ANO5: variants seen among roughly 807,000 people sequenced by gnomAD.
ANO5 encodes the protein anoctamin-5.
In ANO5, 109 loss-of-function variants were observed where a neutral mutation model predicts 121.0. The ratio of observed to expected loss-of-function variants is 0.90; its 90% CI spans 0.77 to 1.06. The LOEUF (loss-of-function observed/expected upper bound fraction) is 1.06, where lower values mean the gene tolerates loss of function less well. Among genes scored for constraint, ANO5 ranks in the 50% least tolerant of loss-of-function variants. The pLI, the probability that ANO5 is intolerant of heterozygous loss-of-function variation, is 0.00. For synonymous variants in ANO5, 406 were observed against 359.9 expected (o/e 1.13, Z -1.45); for missense variants, 1,064 against 1,078.5 (o/e 0.99, Z 0.19).
chr11:22,238,850 T>C (rs2133660232), intron 8 of ANO5, among the ~76,000 whole-genome samples: 2 of 152,290 alleles, frequency 1.3e-5, no homozygotes, highest in Admixed American at 1.3e-4. Context: ...TAGTAACTCA[T>C]CATTTAACGT....
chr11:22,254,261 T>C (rs1853919497), intron 12 of ANO5, among the ~76,000 whole-genome samples: 1 of 152,162 alleles, frequency 6.6e-6, no homozygotes, highest in Non-Finnish European at 1.5e-5. Flanking sequence ...TGTATGGATA[T>C]CATCCATAGT....
intron 7 of ANO5, among the ~76,000 whole-genome samples, 192 bp downstream of exon 7, chr11:22,227,778 CTG>C (rs1313229703): frequency 6.6e-6 from 1 of 151,998 alleles, no homozygotes; most frequent in African/African-American, 2.4e-5. Flanking sequence ...AACTCTCAAA[CTG>C]TTGTTTAAAA....
intron 4 of ANO5, among the ~76,000 whole-genome samples, chr11:22,220,361 T>G (rs937417623): frequency 6.6e-6 from 1 of 152,052 alleles, no homozygotes; most frequent in African/African-American, 2.4e-5. Context: ...TGAAATCTCT[T>G]TCTTCTGAAG....
rs1464222256 is a variant in ANO5, at chr11:22,282,590, AGCTGTTCCGAGG to A, written c.*2826_*2837del. The stretch of plus-strand genomic sequence containing the variant: ...TCCTGTGTGTTTCTTTGGAAGAAAG[AGCTGTTCCGAGG>A]AAGTTTGGTCCAGCTGTGGTTGATA... On this transcript the variant is annotated 3_prime_UTR_variant, in exon 22 of 22. Transcript: ENST00000324559. 2 of 152,158 alleles carry A rather than the reference AGCTGTTCCGAGG, an allele frequency of 1.3e-5. No individual in the cohort carries two copies. Among genetic ancestry groups the A allele is most frequent in the Non-Finnish European group, 2.9e-5 (2 of 67,996 alleles). The allele number at this position is 152,158 out of a possible 1,614,324, so 9.4% of individuals were successfully genotyped here.
At chr11:22,275,224 G>T (rs1854794710) in intron 20 of ANO5, among the ~76,000 whole-genome samples, 1 of 151,188 alleles carries the variant, frequency 6.6e-6, no homozygotes, top group Admixed American at 6.6e-5. Context: ...TACTGTATAG[G>T]GAATATAAAA....
chr11:22,193,680 G>A, intron 1 of ANO5, 148 bp downstream of exon 1: 1 of 1,067,186 alleles, frequency 9.4e-7, no homozygotes. Context: ...GCGCGAAACC[G>A]GGACTGCGGG....
In ANO5 at chr11:22,279,677, A is replaced by AAGAG. The variant is rs1855003544; in HGVS notation, c.2656_2659dup (p.Asn887ArgfsTer6). The AAGAG allele has an allele frequency of 1.2e-6, 2 of 1,612,810 alleles. No individual in the cohort carries two copies. The highest frequency in any genetic ancestry group is 2.2e-5 in the South Asian group (2 of 91,056). ...CATGATTTTGAGCTCAACAAATTAA[A>AAGAG]AGAGAACTTGGGAATTAATTCTAAT... On this transcript the variant is annotated frameshift_variant, in exon 22 of 22. Transcript: ENST00000324559. LOFTEE classifies it low-confidence loss of function (END_TRUNC).
chr11:22,193,475 A>G lies in ANO5; in HGVS notation c.-18A>G, dbSNP rs1851713363. 2 of 1,610,682 alleles carry G rather than the reference A, an allele frequency of 1.2e-6. No homozygotes were observed. Among genetic ancestry groups the G allele is most frequent in the Non-Finnish European group, 1.7e-6 (2 of 1,179,000 alleles). Reference sequence around the variant, plus strand: ...CTGCTGCCTCTCAGGCACCAGTGCCATTAACGAGCTGGCGAAGATGGGCGA... The same window carrying G: ...CTGCTGCCTCTCAGGCACCAGTGCCGTTAACGAGCTGGCGAAGATGGGCGA... On this transcript the variant is annotated 5_prime_UTR_variant, in exon 1 of 22. Coordinates refer to ENST00000324559, the MANE Select transcript of ANO5 (RefSeq NM_213599.3).
intron 7 of ANO5, among the ~76,000 whole-genome samples, chr11:22,228,359 A>G (rs1852917070): frequency 6.6e-6 from 1 of 152,106 alleles, no homozygotes; most frequent in Admixed American, 6.6e-5. Flanking sequence ...CTTATTTTAA[A>G]AAATTTATGA....
Position 22,193,453 on chromosome 11 carries a change from C to T in ANO5, c.-40C>T. ...GTCTGTCTCAGCTGCCCCTCTCCTG[C>T]TGCCTCTCAGGCACCAGTGCCATTA... is the stretch of plus-strand genomic sequence containing the variant. On this transcript the variant is annotated 5_prime_UTR_variant, in exon 1 of 22. Coordinates refer to ENST00000324559, the MANE Select transcript of ANO5 (RefSeq NM_213599.3). 6.2e-7 allele frequency: 1 copy of T among 1,600,854 alleles called. No individual in the cohort carries two copies. Among genetic ancestry groups the T allele is most frequent in the Non-Finnish European group, 8.5e-7 (1 of 1,174,382 alleles).
intron 7 of ANO5, among the ~76,000 whole-genome samples, chr11:22,234,224 C>T (rs996857371): frequency 2.0e-5 from 3 of 152,208 alleles, no homozygotes; most frequent in Admixed American, 1.3e-4. Flanking sequence ...ATCATTGGTC[C>T]TCTTCAATTA....
chr11:22,276,316 T>A, intron 21 of ANO5, 117 bp downstream of exon 21: 1 of 854,322 alleles, frequency 1.2e-6, no homozygotes, highest in Non-Finnish European at 1.9e-6. Flanking sequence ...TTGAAGGAAG[T>A]ATTGTATTTG....
In ANO5 at chr11:22,255,379, T is replaced by C; in HGVS notation, c.1189T>C (p.Phe397Leu). The change falls in exon 13 of 22, where the codon TTT becomes CTT. Residue 397 changes from phenylalanine (F) to leucine (L), a missense_variant. Physicochemically the swap from Phe to Leu is conservative, Grantham distance 22. Transcript: ENST00000324559. ...TATTTATTTACCTATAGTCACCTTATTTTTGGAGTTTTGGAAACAACGACA... is the reference window on the plus strand; with the variant it reads ...TATTTATTTACCTATAGTCACCTTACTTTTGGAGTTTTGGAAACAACGACA... The part of the protein sequence containing the change: ...AIFMGIWVTL[F>L]LEFWKQRQAR... The C allele has an allele frequency of 6.2e-7, 1 of 1,609,194 alleles. No homozygotes were observed.
At chr11:22,258,070 T>C (rs1378302457) in intron 14 of ANO5, among the ~76,000 whole-genome samples, 1 of 152,162 alleles carries the variant, frequency 6.6e-6, no homozygotes, top group African/African-American at 2.4e-5. Context: ...CCAGGCTCTT[T>C]GGTTAGTTTT....
chr11:22,235,517 A>G (rs1352141743), intron 7 of ANO5, among the ~76,000 whole-genome samples: 1 of 152,094 alleles, frequency 6.6e-6, no homozygotes, highest in Non-Finnish European at 1.5e-5. Context: ...TATGTATAAA[A>G]CAGTGCTGAA....
Position 22,255,355 on chromosome 11 carries a change from A to G in ANO5, c.1181-16A>G. On this transcript the variant is annotated splice_polypyrimidine_tract_variant and intron_variant, in intron 12 of 21. Coordinates refer to ENST00000324559, the MANE Select transcript of ANO5 (RefSeq NM_213599.3). ...CTTTTTTAATATCTTTTTTTTATAT[A>G]TTTATTTACCTATAGTCACCTTATT... 1.3e-6 allele frequency: 2 copies of G among 1,557,220 alleles called. No homozygotes were observed. The highest frequency in any genetic ancestry group is 8.7e-7 in the Non-Finnish European group (1 of 1,150,528).
intron 7 of ANO5, among the ~76,000 whole-genome samples, chr11:22,230,442 A>G (rs1853001921): frequency 6.6e-6 from 1 of 152,018 alleles, no homozygotes; most frequent in Non-Finnish European, 1.5e-5. Context: ...TTGTCAAATA[A>G]TATTTTACAG....
At chr11:22,267,281 G>C (rs960724850) in intron 17 of ANO5, among the ~76,000 whole-genome samples, 1 of 151,342 alleles carries the variant, frequency 6.6e-6, no homozygotes, top group African/African-American at 2.4e-5. Context: ...AAATATACGT[G>C]GATGGGATTT....
In ANO5 at chr11:22,281,682, G is replaced by A. The variant is rs1349719603; in HGVS notation, c.*1917G>A. The A allele has an allele frequency of 6.6e-6, 1 of 151,944 alleles. No homozygotes were observed. The highest frequency in any genetic ancestry group is 2.4e-5 in the African/African-American group (1 of 41,420). The allele number at this position is 151,944 out of a possible 1,614,324, so 9.4% of individuals were successfully genotyped here. ...GAAAGAGCATGGAAATTGGTTTCTT[G>A]AATATAAGCTTTAATTTTTAAGGCT... On this transcript the variant is annotated 3_prime_UTR_variant, in exon 22 of 22. Transcript: ENST00000324559.
Sources: allele counts gnomAD v4.1 joint callset (sites outside exome capture counted in the v4.1 genomes callset), GRCh38; gene constraint gnomAD v4.1.1; transcripts MANE v1.5; gene names NCBI Gene and HGNC (gene_info 2026-07-23, HGNC 2026-07-21).